MICU1: variants seen among roughly 807,000 people sequenced by gnomAD.
The protein encoded by MICU1 is mitochondrial calcium uptake 1.
Under a neutral mutation model 56.8 loss-of-function variants are expected in MICU1, and 45 were observed. The observed-to-expected ratio is 0.79, with a 90% CI of 0.62 to 1.02. The LOEUF is 1.02. Among genes scored for constraint, MICU1 ranks in the 50% least tolerant of loss-of-function variants. The probability of loss-of-function intolerance (pLI) is 0.00; values close to 1 mark genes in which losing one functional copy is unlikely to be tolerated. For synonymous variants in MICU1, 186 were observed against 195.1 expected, an observed-to-expected ratio of 0.95 and a Z score of 0.39; for missense variants, 504 against 587.1, an observed-to-expected ratio of 0.86 and a Z score of 1.46.
chr10:72,496,094 T>G (rs1866832300), intron 6 of MICU1, among the ~76,000 whole-genome samples: 1 of 151,338 alleles, frequency 6.6e-6, no homozygotes, highest in East Asian at 2.0e-4. Context: ...AGCCTCGCAA[T>G]TAGCTGGAAC....
intron 10 of MICU1, 141 bp from the exon 11 acceptor site, chr10:72,376,013 G>A: frequency 1.3e-6 from 1 of 799,784 alleles, no homozygotes; most frequent in Admixed American, 2.5e-5. Flanking sequence ...AAGTTAGGCT[G>A]GCCACAGTGG....
intron 1 of MICU1, among the ~76,000 whole-genome samples, chr10:72,594,925 C>CAAAAAAAAAAAAAAAA (rs57504317): frequency 3.9e-5 from 2 of 50,712 alleles, no homozygotes; most frequent in Non-Finnish European, 8.4e-5. Flanking sequence ...AAGTACAATC[C>CAAAAAAAAAAAAAAAA]AAAAAAAAAA....
chr10:72,382,987 G>A (rs1862766734), intron 10 of MICU1, among the ~76,000 whole-genome samples: 1 of 152,142 alleles, frequency 6.6e-6, no homozygotes, highest in South Asian at 2.1e-4. Flanking sequence ...TTTTAATTAG[G>A]ACAGGTGCAG....
intron 8 of MICU1, among the ~76,000 whole-genome samples, chr10:72,439,538 A>T (rs1051725316): frequency 3.9e-5 from 6 of 152,200 alleles, no homozygotes; most frequent in Non-Finnish European, 2.9e-5. Flanking sequence ...ACAGTGTTGG[A>T]AGTTCTGGCC....
chr10:72,620,584 TTACAC>T (rs770245845), intron 1 of MICU1, among the ~76,000 whole-genome samples: 50 of 152,320 alleles, frequency 3.3e-4, no homozygotes, highest in South Asian at 8.3e-4. Flanking sequence ...TTTTCAAATA[TTACAC>T]TAAAGTTTCA....
intron 5 of MICU1, among the ~76,000 whole-genome samples, chr10:72,525,248 A>G (rs1237008590): frequency 6.6e-6 from 1 of 152,134 alleles, no homozygotes; most frequent in Non-Finnish European, 1.5e-5. Context: ...CTATTTTCAA[A>G]TATCAAATGG....
intron 3 of MICU1, among the ~76,000 whole-genome samples, chr10:72,553,272 T>A (rs1589335015): frequency 6.6e-6 from 1 of 150,900 alleles, no homozygotes; most frequent in African/African-American, 2.4e-5. Flanking sequence ...CTCGCTCTGT[T>A]GCCCAGGCTG....
At chr10:72,485,749 A>T (rs1866449838) in intron 6 of MICU1, among the ~76,000 whole-genome samples, 1 of 152,080 alleles carries the variant, frequency 6.6e-6, no homozygotes, top group African/African-American at 2.4e-5. Flanking sequence ...GAGAACTTGG[A>T]ATAAAAAATG....
At chr10:72,371,585 A>G (rs1302141380) in intron 11 of MICU1, among the ~76,000 whole-genome samples, 1 of 151,756 alleles carries the variant, frequency 6.6e-6, no homozygotes, top group Admixed American at 6.6e-5. Flanking sequence ...TCTACTAAAA[A>G]TATGAAAAAT....
chr10:72,380,555 A>G (rs1862668623), intron 10 of MICU1, among the ~76,000 whole-genome samples: 1 of 152,206 alleles, frequency 6.6e-6, no homozygotes, highest in African/African-American at 2.4e-5. Flanking sequence ...ACATACATAA[A>G]TCTATTCACC....
intron 1 of MICU1, among the ~76,000 whole-genome samples, chr10:72,616,551 C>T (rs1476085191): frequency 6.8e-6 from 1 of 148,146 alleles, no homozygotes; most frequent in African/African-American, 2.5e-5. Flanking sequence ...CACACCATTG[C>T]ACTCCAGCCT....
chr10:72,411,184 C>G (rs1225643932), intron 9 of MICU1, among the ~76,000 whole-genome samples: 4 of 152,062 alleles, frequency 2.6e-5, no homozygotes, highest in Non-Finnish European at 5.9e-5. Context: ...TGGTGGTTGT[C>G]AGGAGCTGGG....
In MICU1 at chr10:72,475,083, G is replaced by A; in HGVS notation, c.933+17C>T. On this transcript the variant is annotated intron_variant, in intron 8 of 11. Coordinates refer to ENST00000361114, the MANE Select transcript of MICU1 (RefSeq NM_001195518.2). ...GTTCCACATGTGATGGATCTACTGA[G>A]TCTAAGGAAGACCTACCTCAAGCTT... is the stretch of plus-strand genomic sequence containing the variant. 5 of 1,598,040 alleles carry A rather than the reference G, an allele frequency of 3.1e-6. No individual in the cohort carries two copies. Among genetic ancestry groups the A allele is most frequent in the Non-Finnish European group, 4.3e-6 (5 of 1,171,558 alleles).
chr10:72,568,239 G>C (rs1024934037), intron 1 of MICU1, among the ~76,000 whole-genome samples: 1 of 151,976 alleles, frequency 6.6e-6, no homozygotes, highest in African/African-American at 2.4e-5. Context: ...TTAATGTTTT[G>C]TTTTAAATCT....
Position 72,586,802 on chromosome 10 carries a change from C to T in MICU1, c.-1-20008G>A, listed in dbSNP as rs73282765. On this transcript the variant is annotated intron_variant, in intron 1 of 11. Transcript: ENST00000361114. The stretch of plus-strand genomic sequence containing the variant: ...AGTTTGTTTGGTTGAGGTTTTTCTA[C>T]GAAATTTGTGTGTTTTAAAGACAAC... 8.6e-4 allele frequency among the ~76,000 whole-genome samples: 131 copies of T among 152,222 alleles called. 1 individual carries two copies. Among genetic ancestry groups the T allele is most frequent in the African/African-American group, 2.9e-3 (122 of 41,536 alleles).
intron 5 of MICU1, among the ~76,000 whole-genome samples, chr10:72,525,541 C>T (rs7901986): frequency 0.66 from 99,629 of 152,032 alleles, 34,612 homozygotes; most frequent in African/African-American, 0.82. Context: ...GTATTTAACC[C>T]GGGCTAGTTG....
chr10:72,501,352 G>A (rs537195981), intron 6 of MICU1, among the ~76,000 whole-genome samples: 42 of 151,718 alleles, frequency 2.8e-4, no homozygotes, highest in Non-Finnish European at 6.0e-4. Context: ...ACTGGGTACA[G>A]ACTGAAGACA....
chr10:72,377,610 CT>C (rs1344669278), intron 10 of MICU1, among the ~76,000 whole-genome samples: 4 of 152,152 alleles, frequency 2.6e-5, no homozygotes, highest in Non-Finnish European at 5.9e-5. Flanking sequence ...CCACTGCCTT[CT>C]CTCTCATTTA....
At chr10:72,611,109 C>T (rs1841833091) in intron 1 of MICU1, among the ~76,000 whole-genome samples, 1 of 149,820 alleles carries the variant, frequency 6.7e-6, no homozygotes, top group Admixed American at 6.7e-5. Context: ...TGGAGACTAT[C>T]CTGGCTAACA....
Sources: allele counts gnomAD v4.1 joint callset (sites outside exome capture counted in the v4.1 genomes callset), GRCh38; gene constraint gnomAD v4.1.1; transcripts MANE v1.5; gene names NCBI Gene and HGNC (gene_info 2026-07-23, HGNC 2026-07-21).